EIF3K: variants seen among roughly 807,000 people sequenced by gnomAD.
EIF3K encodes eIF-3 p28.
EIF3K carries 27 observed loss-of-function variants against 34.2 expected under a neutral mutation model. The ratio of observed to expected loss-of-function variants is 0.79; its 90% CI spans 0.58 to 1.09. EIF3K has a LOEUF of 1.09. EIF3K is among the 50% of genes least tolerant of loss of function. The pLI, the probability that EIF3K is intolerant of heterozygous loss-of-function variation, is 0.00. For synonymous variants in EIF3K, 105 were observed against 105.7 expected, an observed-to-expected ratio of 0.99 and a Z score of 0.04; for missense variants, 232 against 275.4, an observed-to-expected ratio of 0.84 and a Z score of 1.11.
At position 38,630,156 on chromosome 19, in the gene EIF3K, C is replaced by CTT. The variant is rs200616580; in HGVS notation, c.355-2262_355-2261dup. ...GGGTCAGTGCTCAAAGTGGTAGCTG[C>CTT]TTTTTTTTTTTTTCTGAAATGGAGT... is the stretch of plus-strand genomic sequence containing the variant. On this transcript the variant is annotated intron_variant, in intron 4 of 7. Coordinates refer to ENST00000248342, the MANE Select transcript of EIF3K (RefSeq NM_013234.4). 5.3e-4 allele frequency among the ~76,000 whole-genome samples: 75 copies of CTT among 141,696 alleles called. 1 individual carries two copies. The highest frequency in any genetic ancestry group is 4.3e-3 in the Admixed American group (61 of 14,130). The allele number at this position is 141,696 out of a possible 152,430, so 93.0% of individuals were successfully genotyped here. A position where few individuals can be genotyped will look rare whatever the true frequency, so the allele number is the denominator to read the frequency against.
chr19:38,636,926 G>C lies in EIF3K; in HGVS notation c.*6G>C. 6.2e-7 allele frequency: 1 copy of C among 1,614,110 alleles called. No individual in the cohort carries two copies. The highest frequency in any genetic ancestry group is 2.2e-5 in the East Asian group (1 of 44,880). ...TCATGGCCTCCTCCCAGTAACTTCA[G>C]GTGTTTAATAAAGATGTGTTGACTC... On this transcript the variant is annotated 3_prime_UTR_variant, in exon 8 of 8. Transcript: ENST00000248342.
intron 6 of EIF3K, among the ~76,000 whole-genome samples, chr19:38,633,566 C>T (rs1322486504): frequency 1.4e-4 from 21 of 151,876 alleles, no homozygotes; most frequent in African/African-American, 4.8e-4. Context: ...GGTGTGGTGG[C>T]GTGCACCTGT....
chr19:38,631,376 G>A (rs1976062007), intron 4 of EIF3K, among the ~76,000 whole-genome samples: 1 of 152,254 alleles, frequency 6.6e-6, no homozygotes, highest in Middle Eastern at 3.4e-3. Flanking sequence ...TGGAGAGAAG[G>A]TCAGCAGGTA....
chr19:38,619,669 T>C (rs1258174907), intron 1 of EIF3K, among the ~76,000 whole-genome samples: 1 of 152,204 alleles, frequency 6.6e-6, no homozygotes, highest in African/African-American at 2.4e-5. Context: ...CTTCGTAAAT[T>C]GCCTTAAGGT....
chr19:38,626,896 T>TCCCGGGTTCAAGTGATTCTCCTGTCTC (rs1215695240), intron 4 of EIF3K, among the ~76,000 whole-genome samples: 1 of 152,198 alleles, frequency 6.6e-6, no homozygotes, highest in Non-Finnish European at 1.5e-5. Flanking sequence ...AACCTCTGCT[T>TCCCGGGTTCAAGTGATTCTCCTGTCTC]CCCGGGTTCA....
chr19:38,624,282 GTGTA>G (rs1975903228), intron 3 of EIF3K, 85 bp downstream of exon 3: 1 of 1,578,684 alleles, frequency 6.3e-7, no homozygotes, highest in Non-Finnish European at 8.6e-7. Flanking sequence ...TGGTCTGTGG[GTGTA>G]TCCACAAACA....
At chr19:38,632,804 G>A (rs1200915353) in intron 6 of EIF3K, 126 bp downstream of exon 6, 1 of 799,618 alleles carries the variant, frequency 1.3e-6, no homozygotes, top group Non-Finnish European at 1.9e-6. Flanking sequence ...CCCAGCCCAA[G>A]GAGGAAATAA....
intron 7 of EIF3K, among the ~76,000 whole-genome samples, chr19:38,636,434 G>T (rs1347507297): frequency 2.6e-5 from 4 of 152,114 alleles, no homozygotes; most frequent in African/African-American, 7.2e-5. Context: ...AGTGAGCCAA[G>T]ATCGCTCCAC....
At chr19:38,627,470 G>A (rs571089781) in intron 4 of EIF3K, among the ~76,000 whole-genome samples, 3 of 151,872 alleles carry the variant, frequency 2.0e-5, no homozygotes, top group South Asian at 4.2e-4. Flanking sequence ...TTCGAGACCA[G>A]CCTGACCAAC....
rs570303083 is a variant in EIF3K at position 38,632,928 on chromosome 19, A to T, written c.499+250A>T. ...CAGTGTGCTAAACTGGGCGTGCAGC[A>T]GTAAACAAAGTGGGATGGCTCCAAT... is the stretch of plus-strand genomic sequence containing the variant. On this transcript the variant is annotated intron_variant, in intron 6 of 7. Coordinates refer to ENST00000248342, the MANE Select transcript of EIF3K (RefSeq NM_013234.4). 6.7e-6 allele frequency: 3 copies of T among 446,346 alleles called. No homozygotes were observed. In the Admixed American group the frequency reaches 1.2e-4, roughly 18 times the overall value. 27.6% of individuals were successfully genotyped at this position (446,346 alleles called of 1,614,324 possible).
At chr19:38,620,175 G>A (rs1975808508) in intron 1 of EIF3K, among the ~76,000 whole-genome samples, 162 bp from the exon 2 acceptor site, 1 of 152,178 alleles carries the variant, frequency 6.6e-6, no homozygotes, top group African/African-American at 2.4e-5. Context: ...TTTTACTAGA[G>A]ATTATACTGG....
intron 4 of EIF3K, among the ~76,000 whole-genome samples, chr19:38,631,133 C>T (rs182567276): frequency 6.6e-6 from 1 of 152,266 alleles, no homozygotes; most frequent in Non-Finnish European, 1.5e-5. Flanking sequence ...TTCTTGTTAA[C>T]ATTACTGAAG....
chr19:38,621,389 G>A (rs1472715705), intron 2 of EIF3K, among the ~76,000 whole-genome samples: 2 of 151,800 alleles, frequency 1.3e-5, no homozygotes, highest in Non-Finnish European at 2.9e-5. Context: ...CTCCAGCTTG[G>A]GCGACAGAGT....
intron 4 of EIF3K, 154 bp downstream of exon 4, chr19:38,626,256 G>A (rs763904954): frequency 8.7e-5 from 64 of 731,432 alleles, no homozygotes; most frequent in Non-Finnish European, 1.4e-4. Context: ...ATCCTCTCGC[G>A]GAGCAGGTAC....
At chr19:38,631,450 G>A (rs2044539708) in intron 4 of EIF3K, among the ~76,000 whole-genome samples, 1 of 152,196 alleles carries the variant, frequency 6.6e-6, no homozygotes, top group Admixed American at 6.5e-5. Flanking sequence ...TGCTTTTGAT[G>A]TGCATACACA....
At chr19:38,627,905 CTTTT>C (rs60551864) in intron 4 of EIF3K, among the ~76,000 whole-genome samples, 1 of 140,246 alleles carries the variant, frequency 7.1e-6, no homozygotes, top group Admixed American at 7.2e-5. Context: ...ATTTTCTTTC[CTTTT>C]TTTTTTTTTG....
intron 2 of EIF3K, among the ~76,000 whole-genome samples, chr19:38,622,706 C>T (rs566924888): frequency 2.6e-5 from 4 of 152,314 alleles, no homozygotes; most frequent in South Asian, 2.1e-4. Context: ...CTATGGGAGA[C>T]GAGTTTATTT....
At chr19:38,622,860 A>G (rs1975872119) in intron 2 of EIF3K, among the ~76,000 whole-genome samples, 2 of 152,204 alleles carry the variant, frequency 1.3e-5, no homozygotes, top group African/African-American at 4.8e-5. Context: ...TTGCTTTTGA[A>G]AGAAGAGAAA....
At chr19:38,633,257 C>G (rs1379635676) in intron 6 of EIF3K, among the ~76,000 whole-genome samples, 1 of 152,038 alleles carries the variant, frequency 6.6e-6, no homozygotes, top group Non-Finnish European at 1.5e-5. Flanking sequence ...TGTCCTTTCC[C>G]CTGACTGAGA....
Sources: gnomAD v4.1 joint callset for allele counts (sites outside exome capture counted in the v4.1 genomes callset) on GRCh38, gnomAD v4.1.1 for gene constraint, MANE v1.5 for transcripts, NCBI Gene and HGNC (gene_info 2026-07-23, HGNC 2026-07-21) for gene names.